TMEM14C: variants seen among roughly 807,000 people sequenced by gnomAD.
TMEM14C encodes chromosome 6 open reading frame 53.
TMEM14C carries 13 observed loss-of-function variants against 14.8 expected under a neutral mutation model. The ratio of observed to expected loss-of-function variants is 0.88; its 90% CI spans 0.57 to 1.40. TMEM14C has a LOEUF of 1.40. TMEM14C is among the 40% of genes most tolerant of loss of function. The pLI is 0.00. For synonymous variants in TMEM14C, 57 were observed against 51.3 expected, an observed-to-expected ratio of 1.11 and a Z score of -0.48; for missense variants, 142 against 138.8, an observed-to-expected ratio of 1.02 and a Z score of -0.12.
rs1770942071 is a variant in TMEM14C at position 10,728,717 on chromosome 6, G to T, written c.277G>T (p.Ala93Ser). ...AAAATTCATGCCTGCAGGTTTAATT[G>T]CAGGTGCCAGGTACTTTCATTCTAT... is the stretch of plus-strand genomic sequence containing the variant. ...SGKFMPAGLI[A>S]GASLLMVAKV... Residue 93 changes from alanine to serine, a missense_variant, in exon 5 of 6, where the codon GCA becomes TCA. Coordinates refer to ENST00000229563, the MANE Select transcript of TMEM14C (RefSeq NM_016462.4). 1 of 1,614,072 alleles carries T rather than the reference G, an allele frequency of 6.2e-7. No homozygotes were observed. Among genetic ancestry groups the T allele is most frequent in the South Asian group, 1.1e-5 (1 of 91,090 alleles).
At chr6:10,729,506 G>A (rs1770968323) in intron 5 of TMEM14C, among the ~76,000 whole-genome samples, 1 of 152,210 alleles carries the variant, frequency 6.6e-6, no homozygotes, top group African/African-American at 2.4e-5. Context: ...GCTGGGCACA[G>A]TGGTTCACAC....
chr6:10,730,866 C>T lies in TMEM14C; in HGVS notation c.*200C>T. 7.9e-7 allele frequency: 1 copy of T among 1,265,900 alleles called. No individual in the cohort carries two copies. Among genetic ancestry groups the T allele is most frequent in the Non-Finnish European group, 1.0e-6 (1 of 1,000,194 alleles). 78.4% of individuals were successfully genotyped at this position (1,265,900 alleles called of 1,614,324 possible). On this transcript the variant is annotated 3_prime_UTR_variant, in exon 6 of 6. Transcript: ENST00000229563. ...AGGTGGCGAGTATGTAACACAAGAGCTTAATAAGACCCTCATAGAGCTTGA... is the reference window on the plus strand; with the variant it reads ...AGGTGGCGAGTATGTAACACAAGAGTTTAATAAGACCCTCATAGAGCTTGA...
intron 3 of TMEM14C, 117 bp from the exon 4 acceptor site, chr6:10,725,790 T>G (rs1770842784): frequency 2.4e-4 from 292 of 1,236,684 alleles, no homozygotes; most frequent in Non-Finnish European, 3.2e-4. Context: ...ACCTTGGCTA[T>G]GAGCTGTGTT....
Position 10,728,726 on chromosome 6 carries a change from A to T in TMEM14C, c.286A>T (p.Ser96Cys). The T allele has an allele frequency of 6.2e-7, 1 of 1,614,224 alleles. No homozygotes were observed. Among genetic ancestry groups the T allele is most frequent in the Non-Finnish European group, 8.5e-7 (1 of 1,180,046 alleles). Residue 96 changes from serine (S) to cysteine (C), a missense_variant and splice_region_variant, in exon 5 of 6, where the codon AGT (serine) becomes TGT (cysteine). Coordinates refer to ENST00000229563, the MANE Select transcript of TMEM14C (RefSeq NM_016462.4). The part of the protein sequence containing the change: ...FMPAGLIAGA[S>C]LLMVAKVGVS... ...GCCTGCAGGTTTAATTGCAGGTGCC[A>T]GGTACTTTCATTCTATTACTCTTCT...
At chr6:10,728,001 G>T (rs1383470919) in intron 4 of TMEM14C, among the ~76,000 whole-genome samples, 3 of 152,118 alleles carry the variant, frequency 2.0e-5, no homozygotes, top group Non-Finnish European at 1.5e-5. Flanking sequence ...TGCCCTTTTA[G>T]GGTGAATGTC....
At chr6:10,724,392 C>T (rs980129711) in intron 1 of TMEM14C, 178 bp from the exon 2 acceptor site, 1 of 577,232 alleles carries the variant, frequency 1.7e-6, no homozygotes, top group Non-Finnish European at 3.1e-6. Context: ...AGCACCTTTA[C>T]ATGTGACATC....
chr6:10,728,680 C>T lies in TMEM14C; in HGVS notation c.240C>T (p.Phe80=), dbSNP rs751999108. 2 of 1,614,190 alleles carry T rather than the reference C, an allele frequency of 1.2e-6. No homozygotes were observed. Among genetic ancestry groups the T allele is most frequent in the Non-Finnish European group, 1.7e-6 (2 of 1,180,046 alleles). ...TGGCTGGCATTATGGGAATGAGGTTCTACCACTCTGGAAAATTCATGCCTG... is the reference window on the plus strand; with the variant it reads ...TGGCTGGCATTATGGGAATGAGGTTTTACCACTCTGGAAAATTCATGCCTG... ...GTLAGIMGMR[F]YHSGKFMPAG... The change falls in exon 5 of 6, where the codon TTC becomes TTT. Residue 80 remains phenylalanine (F), a synonymous_variant. Transcript: ENST00000229563.
At chr6:10,727,899 C>A (rs759311522) in intron 4 of TMEM14C, among the ~76,000 whole-genome samples, 9 of 152,144 alleles carry the variant, frequency 5.9e-5, no homozygotes, top group African/African-American at 2.2e-4. Context: ...ATTGTTCTTA[C>A]GATGAAAACC....
chr6:10,730,480 T>A, intron 5 of TMEM14C, 135 bp from the exon 6 acceptor site: 1 of 740,850 alleles, frequency 1.3e-6, no homozygotes, highest in Non-Finnish European at 2.1e-6. Context: ...GGGATGGAAA[T>A]TTACCCCTGA....
At position 10,726,477 on chromosome 6, in the gene TMEM14C, G is replaced by C. The variant is rs577495369; in HGVS notation, c.199+469G>C. 2.6e-4 allele frequency among the ~76,000 whole-genome samples: 39 copies of C among 152,324 alleles called. No homozygotes were observed. In the South Asian group the frequency reaches 4.4e-3, roughly 17 times the overall value. On this transcript the variant is annotated intron_variant, in intron 4 of 5. Coordinates refer to ENST00000229563, the MANE Select transcript of TMEM14C (RefSeq NM_016462.4). ...GAGGCCGAGGCAAGTGGATTACAAGGTGAGAAGTTCGAGACCAGCCTGACC... is the reference window on the plus strand; with the variant it reads ...GAGGCCGAGGCAAGTGGATTACAAGCTGAGAAGTTCGAGACCAGCCTGACC...
In TMEM14C at chr6:10,723,239, C is replaced by T. The variant is rs997756691; in HGVS notation, c.-47C>T. ...GTAGACAGCCGGGGCCTTCGTGAGA[C>T]CGGTGCGAGTATTTGGGGATTATTC... On this transcript the variant is annotated splice_region_variant and 5_prime_UTR_variant, in exon 1 of 6. Coordinates refer to ENST00000229563, the MANE Select transcript of TMEM14C (RefSeq NM_016462.4). 3.9e-5 allele frequency: 6 copies of T among 152,268 alleles called. No individual in the cohort carries two copies. The highest frequency in any genetic ancestry group is 8.8e-5 in the Non-Finnish European group (6 of 68,054). 9.4% of individuals were successfully genotyped at this position (152,268 alleles called of 1,614,324 possible).
intron 1 of TMEM14C, 183 bp from the exon 2 acceptor site, chr6:10,724,387 C>T (rs113897334): frequency 1.0e-5 from 6 of 572,790 alleles, no homozygotes; most frequent in Non-Finnish European, 3.1e-6. Flanking sequence ...TGCTAAGCAC[C>T]TTTACATGTG....
intron 4 of TMEM14C, among the ~76,000 whole-genome samples, chr6:10,728,268 G>A (rs910410806): frequency 6.6e-6 from 1 of 152,240 alleles, no homozygotes; most frequent in Non-Finnish European, 1.5e-5. Flanking sequence ...TGTAGTAGGT[G>A]CTTCGACAGA....
At position 10,723,821 on chromosome 6, in the gene TMEM14C, C is replaced by T. The variant is rs920413899; in HGVS notation, c.-45+580C>T. On this transcript the variant is annotated intron_variant, in intron 1 of 5. Transcript: ENST00000229563. ...GTTTCACTATGTTGGCCAGGCTGGT[C>T]TTGAACTCCTAACCCCAGGTGATCC... 7.2e-5 allele frequency among the ~76,000 whole-genome samples: 11 copies of T among 152,196 alleles called. No individual in the cohort carries two copies. The East Asian group carries it at 1.9e-3, about 27-fold the overall frequency.
Position 10,728,683 on chromosome 6 carries a change from C to A in TMEM14C, c.243C>A (p.Tyr81Ter). The A allele has an allele frequency of 6.2e-7, 1 of 1,614,194 alleles. No homozygotes were observed. Among genetic ancestry groups the A allele is most frequent in the Non-Finnish European group, 8.5e-7 (1 of 1,180,040 alleles). ...CTGGCATTATGGGAATGAGGTTCTACCACTCTGGAAAATTCATGCCTGCAG... is the reference window on the plus strand; with the variant it reads ...CTGGCATTATGGGAATGAGGTTCTAACACTCTGGAAAATTCATGCCTGCAG... ...TLAGIMGMRF[Y>*]HSGKFMPAGL... Residue 81 changes from tyrosine (Y) to a stop codon, truncating the protein, a stop_gained, in exon 5 of 6, where the codon TAC becomes TAA. Coordinates refer to ENST00000229563, the MANE Select transcript of TMEM14C (RefSeq NM_016462.4). LOFTEE classifies it high-confidence loss of function.
chr6:10,731,051 G>GC lies in TMEM14C; in HGVS notation c.*386dup. ...GGAGATTTACAATATCTGTTCTTTT[G>GC]CTCATCTTAGACCACAGACTGACTT... On this transcript the variant is annotated 3_prime_UTR_variant, in exon 6 of 6. Transcript: ENST00000229563. The GC allele has an allele frequency of 1.0e-6, 1 of 989,446 alleles. No individual in the cohort carries two copies. Among genetic ancestry groups the GC allele is most frequent in the East Asian group, 1.1e-4 (1 of 9,082 alleles). The allele number at this position is 989,446 out of a possible 1,614,324, so 61.3% of individuals were successfully genotyped here.
intron 3 of TMEM14C, among the ~76,000 whole-genome samples, 170 bp from the exon 4 acceptor site, chr6:10,725,737 G>A (rs1448813183): frequency 6.6e-6 from 1 of 152,102 alleles, no homozygotes; most frequent in African/African-American, 2.4e-5. Flanking sequence ...TGACTTCTCT[G>A]AGAAGATAGC....
intron 4 of TMEM14C, among the ~76,000 whole-genome samples, chr6:10,727,934 C>T (rs997476999): frequency 3.9e-5 from 6 of 152,298 alleles, no homozygotes; most frequent in East Asian, 1.9e-4. Flanking sequence ...GCCTTCAAGG[C>T]TCCATGTGGT....
Position 10,728,497 on chromosome 6 carries a change from G to GT in TMEM14C, c.200-142dup, listed in dbSNP as rs1738604725. On this transcript the variant is annotated intron_variant, in intron 4 of 5. Transcript: ENST00000229563. ...AGGACCCATAGGATGTGGGCAGTCA[G>GT]TAGTCTCCCCGACTTGGGGAAAGAG... The GT allele has an allele frequency of 2.7e-5, 23 of 851,884 alleles. No homozygotes were observed. In the South Asian group the frequency reaches 3.8e-4, roughly 14 times the overall value. 52.8% of individuals were successfully genotyped at this position (851,884 alleles called of 1,614,324 possible).
Sources: allele counts gnomAD v4.1 joint callset (sites outside exome capture counted in the v4.1 genomes callset), GRCh38; gene constraint gnomAD v4.1.1; transcripts MANE v1.5; gene names NCBI Gene and HGNC (gene_info 2026-07-23, HGNC 2026-07-21).